PACS2: variants seen among roughly 807,000 people sequenced by gnomAD.
PACS2 encodes the protein phosphofurin acidic cluster sorting protein 2.
A neutral mutation model predicts 113.0 loss-of-function variants in PACS2; 36 were observed. That is an observed-to-expected ratio of 0.32 (90% CI 0.24 to 0.42). The LOEUF is 0.42. PACS2 is among the 10% of genes least tolerant of loss of function. The probability of loss-of-function intolerance (pLI) is 1.00; values close to 1 mark genes in which losing one functional copy is unlikely to be tolerated. For missense variants in PACS2, 1,015 were observed against 1,239.5 expected, an observed-to-expected ratio of 0.82 and a Z score of 2.72; for synonymous variants, 589 against 536.1, an observed-to-expected ratio of 1.10 and a Z score of -1.36.
rs782699282 is a variant in PACS2 at position 105,397,336 on chromosome 14, G to C, written c.*2664G>C. ...CCAAAGCCATCTGACAGCCAGTGCG[G>C]TAAGGGCGGGGGATGTGTGTGTGAG... On this transcript the variant is annotated 3_prime_UTR_variant, in exon 25 of 25. Transcript: ENST00000447393. The C allele has an allele frequency of 6.6e-6, 1 of 152,502 alleles. No homozygotes were observed. Among genetic ancestry groups the C allele is most frequent in the Non-Finnish European group, 1.5e-5 (1 of 68,272 alleles). 9.4% of individuals were successfully genotyped at this position (152,502 alleles called of 1,614,324 possible).
In PACS2 at chr14:105,324,033, C is replaced by T. The variant is rs1438283990; in HGVS notation, c.119+8996C>T. On this transcript the variant is annotated intron_variant, in intron 1 of 24. Transcript: ENST00000447393. This position sits in a 1 kb window ranked among gnomAD's most constrained non-coding sequence, Gnocchi z 4.7. ...GAGTCACATGTCAGTGGGTCTCCTG[C>T]TGGGGACTGGCTTTTGTGCAGGAGA... Among the ~76,000 whole-genome samples, 10 of 152,240 alleles carry T rather than the reference C, an allele frequency of 6.6e-5. No individual in the cohort carries two copies. The highest frequency in any genetic ancestry group is 3.9e-4 in the East Asian group (2 of 5,192).
At chr14:105,318,508 C>T (rs1328168555) in intron 1 of PACS2, among the ~76,000 whole-genome samples, 2 of 152,110 alleles carry the variant, frequency 1.3e-5, no homozygotes, top group African/African-American at 2.4e-5. Flanking sequence ...GGCTGGAGTG[C>T]AGTGGTGCAA....
At chr14:105,388,382 T>C (rs1407837358) in intron 19 of PACS2, among the ~76,000 whole-genome samples, 1 of 152,208 alleles carries the variant, frequency 6.6e-6, no homozygotes, top group Non-Finnish European at 1.5e-5. Flanking sequence ...GTTTTACTTG[T>C]GGGCACACTT....
At chr14:105,305,858 G>C (rs1296513368) in intron 1 of PACS2, among the ~76,000 whole-genome samples, 1 of 152,266 alleles carries the variant, frequency 6.6e-6, no homozygotes, top group African/African-American at 2.4e-5. Flanking sequence ...TGTGCCCAGG[G>C]TCCTCTGTAC....
rs1163790293 is a variant in PACS2 at position 105,382,494 on chromosome 14, G to A, written c.1431G>A (p.Val477=). Residue 477 remains valine (V), a synonymous_variant, in exon 14 of 25, where the codon GTG becomes GTA. Transcript: ENST00000447393. The part of the protein sequence containing the change: ...QVQLQIPRKT[V]YDQLNHILIS... ...GCCTCCAGATCCCCAGGAAGACTGTGTATGACCAGCTCAACCACATCCTCA... is the reference window on the plus strand; with the variant it reads ...GCCTCCAGATCCCCAGGAAGACTGTATATGACCAGCTCAACCACATCCTCA... 22 of 1,608,690 alleles carry A rather than the reference G, an allele frequency of 1.4e-5. No individual in the cohort carries two copies. The highest frequency in any genetic ancestry group is 1.8e-5 in the Non-Finnish European group (21 of 1,175,224).
In PACS2 at chr14:105,357,886, G is replaced by A. The variant is rs2060516650; in HGVS notation, c.423+2709G>A. 6.6e-6 allele frequency among the ~76,000 whole-genome samples: 1 copy of A among 152,160 alleles called. No homozygotes were observed. The highest frequency in any genetic ancestry group is 1.5e-5 in the Non-Finnish European group (1 of 68,022). On this transcript the variant is annotated intron_variant, in intron 4 of 24. Coordinates refer to ENST00000447393, the MANE Select transcript of PACS2 (RefSeq NM_001100913.3). The surrounding 1 kb of genome is among the most constrained non-coding windows in gnomAD (Gnocchi z 5.1). Reference sequence around the variant, plus strand: ...GAGAGTAGTGCTCGGCGGTGGGGAAGGGTCCTTGAGGGCACAGGGTGGGGT... The same window carrying A: ...GAGAGTAGTGCTCGGCGGTGGGGAAAGGTCCTTGAGGGCACAGGGTGGGGT...
At chr14:105,362,233 A>G (rs587596825) in intron 4 of PACS2, among the ~76,000 whole-genome samples, 1 of 151,460 alleles carries the variant, frequency 6.6e-6, no homozygotes, top group African/African-American at 2.4e-5. Flanking sequence ...CCTGGCTAAC[A>G]CAGTGAAACA....
At chr14:105,310,486 C>T (rs145696141), upstream of PACS2, among the ~76,000 whole-genome samples, 2,607 of 137,666 alleles carry the variant, frequency 0.019, 82 homozygotes, top group African/African-American at 0.066. Context: ...GCTGAGATGG[C>T]ACCACTGCAC....
At chr14:105,371,768 A>G (rs1252050799) in intron 8 of PACS2, 1 of 152,232 alleles carries the variant, frequency 6.6e-6, no homozygotes, top group Non-Finnish European at 1.5e-5. Flanking sequence ...TCATGCTGCT[A>G]TAACAAAATA....
At chr14:105,367,107 G>A in intron 4 of PACS2, 106 bp from the exon 5 acceptor site, 2 of 1,028,380 alleles carry the variant, frequency 1.9e-6, no homozygotes, top group Non-Finnish European at 2.9e-6. Flanking sequence ...GGTCCCCCTT[G>A]CTGTCACTGA....
chr14:105,369,894 C>G lies in PACS2; in HGVS notation c.795C>G (p.Ser265=). 1.2e-6 allele frequency: 2 copies of G among 1,602,526 alleles called. No homozygotes were observed. The highest frequency in any genetic ancestry group is 1.7e-6 in the Non-Finnish European group (2 of 1,177,928). ...VVALLRRFKV[S]DEVLDSEQDP... ...CGCTGCTGCGGAGGTTCAAAGTGTC[C>G]GACGAGGTGAGTGCGCCGCGCCTTC... The change falls in exon 8 of 25, where the codon TCC becomes TCG. Residue 265 remains serine, a synonymous_variant. Transcript: ENST00000447393.
In PACS2 at chr14:105,367,225, C is replaced by T. The variant is rs1555408144; in HGVS notation, c.436C>T (p.Pro146Ser). 6 of 1,612,986 alleles carry T rather than the reference C, an allele frequency of 3.7e-6. No homozygotes were observed. The highest frequency in any genetic ancestry group is 3.3e-5 in the Admixed American group (2 of 60,022). The stretch of plus-strand genomic sequence containing the variant: ...CCCTGGCCTGCAGGTGATGCAACAC[C>T]CGTCTGAAGGTGGCCAGGTGCTGAG... ...SISMAEVMQH[P>S]SEGGQVLSLC... Residue 146 changes from proline to serine, a missense_variant, in exon 5 of 25, where the codon CCG (proline) becomes TCG (serine). Pro to Ser is a moderately conservative substitution (Grantham distance 74). This residue lies in a region of PACS2 where 859 missense variants were observed against 1,056.8 expected (regional missense o/e 0.81). Coordinates refer to ENST00000447393, the MANE Select transcript of PACS2 (RefSeq NM_001100913.3).
chr14:105,385,477 C>G (rs1213068075), intron 18 of PACS2, among the ~76,000 whole-genome samples: 1 of 152,210 alleles, frequency 6.6e-6, no homozygotes, highest in Non-Finnish European at 1.5e-5. Context: ...CCGGCGCCTC[C>G]TCCCTGCACA....
Position 105,354,673 on chromosome 14 carries a change from C to T in PACS2, c.298-379C>T, listed in dbSNP as rs1555404955. ...CTGTGTGCCCCTCGCGGAAAAGCGTCCTGGGTCCCACCTTGCTGATTGCCT... is the reference window on the plus strand; with the variant it reads ...CTGTGTGCCCCTCGCGGAAAAGCGTTCTGGGTCCCACCTTGCTGATTGCCT... On this transcript the variant is annotated intron_variant, in intron 3 of 24. Coordinates refer to ENST00000447393, the MANE Select transcript of PACS2 (RefSeq NM_001100913.3). This position sits in a 1 kb window ranked among gnomAD's most constrained non-coding sequence, Gnocchi z 4.2. Among the ~76,000 whole-genome samples the T allele has an allele frequency of 1.3e-5, 2 of 152,212 alleles. No homozygotes were observed. Among genetic ancestry groups the T allele is most frequent in the African/African-American group, 4.8e-5 (2 of 41,450 alleles).
intron 1 of PACS2, chr14:105,336,421 AGC>A (rs1167508810): frequency 1.3e-5 from 2 of 152,386 alleles, no homozygotes; most frequent in Non-Finnish European, 2.9e-5. Flanking sequence ...GGAGGCCTTG[AGC>A]CAAGCACAGG....
chr14:105,377,044 T>C, intron 9 of PACS2, 119 bp downstream of exon 9: 1 of 1,106,836 alleles, frequency 9.0e-7, no homozygotes, highest in Admixed American at 2.7e-5. Context: ...GCCAGCTGCC[T>C]CGAAGCCTGG....
rs782104181 is a variant in PACS2, at chr14:105,383,471, C to T, written c.1738C>T (p.Pro580Ser). The T allele has an allele frequency of 6.2e-7, 1 of 1,607,884 alleles. No homozygotes were observed. Residue 580 changes from proline to serine, a missense_variant, in exon 16 of 25, where the codon CCC (proline) becomes TCC (serine). By Grantham distance (74) the Pro-to-Ser change is moderately conservative (BLOSUM62 -1). Around this residue, in one of 3 missense-constraint regions of PACS2, gnomAD observed 859 missense variants for 1,056.8 expected, o/e 0.81. Coordinates refer to ENST00000447393, the MANE Select transcript of PACS2 (RefSeq NM_001100913.3). Reference protein sequence around the residue: ...LFVEQLSHKTPDWLGYMRFLV... With the variant: ...LFVEQLSHKTSDWLGYMRFLV... ...TGTGGAGCAGCTGTCCCACAAGACA[C>T]CCGACTGGCTCGGCTACATGCGCTT...
chr14:105,335,226 G>C (rs2059467083), intron 1 of PACS2, among the ~76,000 whole-genome samples: 1 of 152,266 alleles, frequency 6.6e-6, no homozygotes, highest in Non-Finnish European at 1.5e-5. Flanking sequence ...CACCTCGGAG[G>C]CTTCCCTGCT....
At chr14:105,347,069 C>T (rs1332235960) in intron 1 of PACS2, among the ~76,000 whole-genome samples, 7 of 143,298 alleles carry the variant, frequency 4.9e-5, no homozygotes, top group Non-Finnish European at 1.1e-4. Context: ...CACCTCCCAC[C>T]TGCTGCCCTG....
Sources: gnomAD v4.1 joint callset for allele counts (sites outside exome capture counted in the v4.1 genomes callset) on GRCh38, gnomAD v4.1.1 for gene constraint, gnomAD v4.1.1 regional missense constraint, Gnocchi (gnomAD v3.1) non-coding constraint, MANE v1.5 for transcripts, NCBI Gene and HGNC (gene_info 2026-07-23, HGNC 2026-07-21) for gene names.